The following TNS1 variants were observed in gnomAD, a reference collection of about 807,000 sequenced individuals.
The protein encoded by TNS1 is tensin-1.
Under a neutral mutation model 168.6 loss-of-function variants are expected in TNS1, and 62 were observed. The observed-to-expected ratio is 0.37, with a 90% CI of 0.30 to 0.45. The LOEUF (loss-of-function observed/expected upper bound fraction) is 0.45, where lower values mean the gene tolerates loss of function less well. Ranked by LOEUF, TNS1 falls within the 20% of genes least tolerant of loss-of-function variation. The probability of loss-of-function intolerance (pLI) is 1.00; values close to 1 mark genes in which losing one functional copy is unlikely to be tolerated. For missense variants in TNS1, 2,240 were observed against 2,339.4 expected (o/e 0.96, Z 0.88); for synonymous variants, 934 against 933.2 (o/e 1.00, Z -0.02).
In TNS1 at chr2:217,897,877, G is replaced by A. The variant is rs1952489291; in HGVS notation, c.464C>T (p.Thr155Ile). Residue 155 changes from threonine to isoleucine, a missense_variant, in exon 8 of 33, where the codon ACA (threonine) becomes ATA (isoleucine). Physicochemically the swap from Thr to Ile is moderately conservative, Grantham distance 89. Transcript: ENST00000682258. The stretch of plus-strand genomic sequence containing the variant: ...GCTCCGGAAGTTCTCCTCATTGGCT[G>A]TGCTGGGGAAGGAGACAGCGATGAT... ...ERIIAVSFPS[T>I]ANEENFRSNL... 1.2e-6 allele frequency: 2 copies of A among 1,613,604 alleles called. No individual in the cohort carries two copies. Among genetic ancestry groups the A allele is most frequent in the East Asian group, 4.5e-5 (2 of 44,862 alleles).
intron 3 of TNS1, among the ~76,000 whole-genome samples, chr2:217,966,334 C>T (rs1442312921): frequency 1.4e-5 from 2 of 145,354 alleles, no homozygotes; most frequent in African/African-American, 5.0e-5. Flanking sequence ...TGTAAGGAGA[C>T]AGCAAGAGAG....
At chr2:217,962,700 C>T (rs1575141419) in intron 3 of TNS1, among the ~76,000 whole-genome samples, 1 of 152,132 alleles carries the variant, frequency 6.6e-6, no homozygotes, top group Non-Finnish European at 1.5e-5. Flanking sequence ...ATCAAACACA[C>T]CCAAATTGAG....
At chr2:217,851,408 C>A (rs916314082) in intron 18 of TNS1, among the ~76,000 whole-genome samples, 1 of 150,280 alleles carries the variant, frequency 6.7e-6, no homozygotes, top group African/African-American at 2.5e-5. Context: ...AGAACTGGCA[C>A]AAAGATGCTC....
intron 8 of TNS1, 39 bp from the exon 9 acceptor site, chr2:217,895,095 G>A (rs376772423): frequency 6.3e-7 from 1 of 1,588,036 alleles, no homozygotes. Context: ...AGGAGGTGAG[G>A]GTGAGGAGGG....
At chr2:217,920,882 T>G (rs1955640313) in intron 3 of TNS1, among the ~76,000 whole-genome samples, 1 of 152,126 alleles carries the variant, frequency 6.6e-6, no homozygotes, top group Admixed American at 6.5e-5. Context: ...AGCTATGATC[T>G]TCACCAGTTT....
At chr2:217,865,254 T>A (rs995439818) in intron 18 of TNS1, among the ~76,000 whole-genome samples, 3 of 152,182 alleles carry the variant, frequency 2.0e-5, no homozygotes, top group African/African-American at 4.8e-5. Flanking sequence ...GGGTATCTGC[T>A]TCCTTCCCCA....
At chr2:217,865,941 A>T (rs1277239013) in intron 18 of TNS1, among the ~76,000 whole-genome samples, 1 of 152,204 alleles carries the variant, frequency 6.6e-6, no homozygotes. Context: ...CATGTCCACA[A>T]GCCATGGTCA....
At chr2:218,028,243 A>AC (rs1211052227) in intron 1 of TNS1, among the ~76,000 whole-genome samples, 1 of 151,590 alleles carries the variant, frequency 6.6e-6, no homozygotes, top group Non-Finnish European at 1.5e-5. Context: ...GCCTTACTCC[A>AC]CCCCCCATTC....
chr2:217,945,217 C>T (rs1439219524), intron 3 of TNS1, among the ~76,000 whole-genome samples: 1 of 152,208 alleles, frequency 6.6e-6, no homozygotes, highest in Non-Finnish European at 1.5e-5. Context: ...CCTCAGTTTC[C>T]TCTGCGACAG....
At chr2:217,954,672 G>A (rs1957317557) in intron 3 of TNS1, among the ~76,000 whole-genome samples, 3 of 152,128 alleles carry the variant, frequency 2.0e-5, no homozygotes, top group Non-Finnish European at 4.4e-5. Context: ...CTGCCAAGGA[G>A]GGTGGCGCAG....
At chr2:217,831,246 T>C (rs942070259) in intron 22 of TNS1, among the ~76,000 whole-genome samples, 2 of 152,148 alleles carry the variant, frequency 1.3e-5, no homozygotes, top group African/African-American at 4.8e-5. Flanking sequence ...GGCTGGGAGT[T>C]GTGCAAACTC....
At chr2:217,956,831 T>G (rs1172764188) in intron 3 of TNS1, among the ~76,000 whole-genome samples, 1 of 152,158 alleles carries the variant, frequency 6.6e-6, no homozygotes, top group Non-Finnish European at 1.5e-5. Context: ...AGAGGACCTA[T>G]GTGTCCCCAT....
chr2:217,957,385 C>T lies in TNS1; in HGVS notation c.186+21380G>A, dbSNP rs78641098. ...GCCCCTTCCAGAGCCCCCTCTCCTTCCTGGGGACAGGACGGTGGGACTGGC... is the reference window on the plus strand; with the variant it reads ...GCCCCTTCCAGAGCCCCCTCTCCTTTCTGGGGACAGGACGGTGGGACTGGC... On this transcript the variant is annotated intron_variant, in intron 3 of 32. Coordinates refer to ENST00000682258, the MANE Select transcript of TNS1 (RefSeq NM_001387777.1). Among the ~76,000 whole-genome samples the T allele has an allele frequency of 8.1e-3, 1,228 of 152,342 alleles. 11 individuals carry two copies. The highest frequency in any genetic ancestry group is 0.031 in the Middle Eastern group (9 of 294).
intron 3 of TNS1, among the ~76,000 whole-genome samples, chr2:217,963,380 C>T (rs1957546632): frequency 6.6e-6 from 1 of 152,180 alleles, no homozygotes; most frequent in Non-Finnish European, 1.5e-5. Flanking sequence ...ACACCACAGC[C>T]ATCACAGGTC....
chr2:217,835,801 T>G (rs907131897), intron 20 of TNS1, among the ~76,000 whole-genome samples: 1 of 152,136 alleles, frequency 6.6e-6, no homozygotes, highest in African/African-American at 2.4e-5. Context: ...AAAAGGAAAC[T>G]TCAATCTCAA....
chr2:217,909,571 C>CCACACACACACACACA (rs3054350), intron 4 of TNS1, among the ~76,000 whole-genome samples: 8 of 147,294 alleles, frequency 5.4e-5, no homozygotes, highest in African/African-American at 2.0e-4. Flanking sequence ...GCCTGGGTGC[C>CCACACACACACACACA]CACACACACA....
At chr2:218,026,680 C>T (rs1310687875) in intron 1 of TNS1, among the ~76,000 whole-genome samples, 1 of 152,232 alleles carries the variant, frequency 6.6e-6, no homozygotes, top group Non-Finnish European at 1.5e-5. Flanking sequence ...CCTTTTCCCA[C>T]CCACCGCGTA....
chr2:217,888,730 CT>C (rs1208069400), intron 12 of TNS1, among the ~76,000 whole-genome samples: 1 of 152,208 alleles, frequency 6.6e-6, no homozygotes, highest in South Asian at 2.1e-4. Flanking sequence ...TGAGATTTGC[CT>C]TTCACCTTCC....
chr2:217,821,948 G>A lies in TNS1; in HGVS notation c.3374-10C>T. The A allele has an allele frequency of 6.3e-7, 1 of 1,575,480 alleles. No individual in the cohort carries two copies. The highest frequency in any genetic ancestry group is 2.3e-5 in the East Asian group (1 of 42,864). On this transcript the variant is annotated splice_polypyrimidine_tract_variant and intron_variant, in intron 22 of 32. Coordinates refer to ENST00000682258, the MANE Select transcript of TNS1 (RefSeq NM_001387777.1). The stretch of plus-strand genomic sequence containing the variant: ...ACATAGCTCCGGGGCTCTGGAAGGG[G>A]CAAGAGGACAGAGACACTGAGCACA...
Sources: gnomAD v4.1 joint callset for allele counts (sites outside exome capture counted in the v4.1 genomes callset) on GRCh38, gnomAD v4.1.1 for gene constraint, MANE v1.5 for transcripts, NCBI Gene and HGNC (gene_info 2026-07-23, HGNC 2026-07-21) for gene names.